CRK: variants seen among roughly 807,000 people sequenced by gnomAD.
CRK encodes the protein adapter molecule crk.
A neutral mutation model predicts 29.8 loss-of-function variants in CRK; 4 were observed. That is an observed-to-expected ratio of 0.13 (90% CI 0.07 to 0.31). CRK has a LOEUF of 0.31. Among genes scored for constraint, CRK ranks in the 10% least tolerant of loss-of-function variants. CRK has a pLI of 1.00. For missense variants in CRK, 274 were observed against 396.5 expected, an observed-to-expected ratio of 0.69 and a Z score of 2.62; for synonymous variants, 153 against 164.9, an observed-to-expected ratio of 0.93 and a Z score of 0.55.
chr17:1,434,366 C>G (rs2073871354), intron 2 of CRK, among the ~76,000 whole-genome samples: 1 of 152,168 alleles, frequency 6.6e-6, no homozygotes, highest in Non-Finnish European at 1.5e-5. Context: ...AGGCCTTACC[C>G]TGGTTCTGGT....
chr17:1,425,092 T>G (rs962658892), intron 2 of CRK, among the ~76,000 whole-genome samples: 4 of 151,942 alleles, frequency 2.6e-5, no homozygotes, highest in South Asian at 4.2e-4. Flanking sequence ...TAAAGGTTTT[T>G]TTTGTTTGTT....
Position 1,424,211 on chromosome 17 carries a change from C to T in CRK, c.778-561G>A, listed in dbSNP as rs536869593. Among the ~76,000 whole-genome samples the T allele has an allele frequency of 2.6e-5, 4 of 152,018 alleles. No homozygotes were observed. In the East Asian group the frequency reaches 5.8e-4, roughly 22 times the overall value. ...CCTCCCGAGTAGCTGGGACTACAGG[C>T]GCCTGCCACCGTGCCCAGCTAATTT... On this transcript the variant is annotated intron_variant, in intron 2 of 2. Coordinates refer to ENST00000300574, the MANE Select transcript of CRK (RefSeq NM_016823.4).
intron 2 of CRK, among the ~76,000 whole-genome samples, chr17:1,426,747 C>T (rs1318126285): frequency 6.6e-6 from 1 of 152,032 alleles, no homozygotes; most frequent in Non-Finnish European, 1.5e-5. Flanking sequence ...CCTGTAATCC[C>T]AGCTACTTGC....
chr17:1,444,903 C>T (rs992753271), intron 1 of CRK, among the ~76,000 whole-genome samples: 8 of 151,568 alleles, frequency 5.3e-5, no homozygotes, highest in Non-Finnish European at 1.0e-4. Flanking sequence ...AATCCCAGCA[C>T]TCTGGGAGGC....
At chr17:1,445,162 C>A (rs376696555) in intron 1 of CRK, among the ~76,000 whole-genome samples, 6 of 148,608 alleles carry the variant, frequency 4.0e-5, no homozygotes, top group East Asian at 3.9e-4. Context: ...AAAAAAAAAT[C>A]ATTCCACTAT....
Position 1,428,986 on chromosome 17 carries a change from C to A in CRK, c.778-5336G>T, listed in dbSNP as rs187947943. ...TCAGCCTCCTGAGTAGCTGGGATTACTGGCGCACGCCACCACGTCCGGCTA... is the reference window on the plus strand; with the variant it reads ...TCAGCCTCCTGAGTAGCTGGGATTAATGGCGCACGCCACCACGTCCGGCTA... On this transcript the variant is annotated intron_variant, in intron 2 of 2. Coordinates refer to ENST00000300574, the MANE Select transcript of CRK (RefSeq NM_016823.4). Among the ~76,000 whole-genome samples the A allele has an allele frequency of 1.5e-4, 23 of 151,862 alleles. No individual in the cohort carries two copies. The East Asian group carries it at 4.5e-3, about 30-fold the overall frequency.
intron 1 of CRK, 71 bp from the exon 2 acceptor site, chr17:1,437,226 AT>A: frequency 3.6e-5 from 53 of 1,467,518 alleles, no homozygotes; most frequent in South Asian, 7.2e-5. Context: ...TTTTATTTTT[AT>A]TTTTTTTAGA....
intron 2 of CRK, among the ~76,000 whole-genome samples, chr17:1,424,052 G>A (rs1017147956): frequency 2.2e-4 from 33 of 149,496 alleles, no homozygotes; most frequent in Admixed American, 1.7e-3. Context: ...TGTCCGAGGA[G>A]AAGCAGCTTT....
At chr17:1,424,752 G>GC (rs1432302595) in intron 2 of CRK, 2 of 152,242 alleles carry the variant, frequency 1.3e-5, no homozygotes, top group African/African-American at 2.4e-5. Flanking sequence ...GCTGACGCCT[G>GC]CAATCCCAGC....
At chr17:1,443,562 AT>A (rs1367800833) in intron 1 of CRK, among the ~76,000 whole-genome samples, 2 of 142,056 alleles carry the variant, frequency 1.4e-5, no homozygotes, top group African/African-American at 2.6e-5. Context: ...CGCCCGGCTA[AT>A]TTTTTTTTGT....
intron 1 of CRK, among the ~76,000 whole-genome samples, chr17:1,440,030 T>G (rs575726578): frequency 1.3e-4 from 20 of 152,190 alleles, no homozygotes; most frequent in South Asian, 4.1e-4. Context: ...ACAGGCGCGG[T>G]GGCTCACGCC....
At chr17:1,442,629 A>T in intron 1 of CRK, among the ~76,000 whole-genome samples, 1 of 135,598 alleles carries the variant, frequency 7.4e-6, no homozygotes, top group East Asian at 2.1e-4. Flanking sequence ...TTTTTTGAAG[A>T]CAGAGTCTTG....
intron 1 of CRK, among the ~76,000 whole-genome samples, chr17:1,449,651 T>C (rs572082424): frequency 6.6e-6 from 1 of 152,266 alleles, no homozygotes; most frequent in African/African-American, 2.4e-5. Flanking sequence ...TTCAGCTGTG[T>C]CAACCTGAAA....
chr17:1,455,990 C>A lies in CRK; in HGVS notation c.128G>T (p.Ser43Ile). The part of the protein sequence containing the change: ...GVFLVRDSST[S>I]PGDYVLSVSE... The stretch of plus-strand genomic sequence containing the variant: ...GACGCTGAGCACATAGTCCCCGGGG[C>A]TGGTGCTCGAGTCCCGCACCAGGAA... The change falls in exon 1 of 3, where the codon AGC (serine) becomes ATC (isoleucine). Residue 43 changes from serine to isoleucine, a missense_variant. Ser to Ile is a moderately radical substitution (Grantham distance 142). This residue lies in a region of CRK where 135 missense variants were observed against 180.9 expected (regional missense o/e 0.75). Transcript: ENST00000300574. 6.2e-7 allele frequency: 1 copy of A among 1,601,346 alleles called. No homozygotes were observed. Among genetic ancestry groups the A allele is most frequent in the Non-Finnish European group, 8.5e-7 (1 of 1,175,422 alleles).
intron 1 of CRK, among the ~76,000 whole-genome samples, chr17:1,455,535 C>T (rs1337959641): frequency 1.3e-5 from 2 of 152,210 alleles, no homozygotes; most frequent in African/African-American, 4.8e-5. Context: ...GATGCCCCCG[C>T]AGTGCCAACA....
intron 1 of CRK, among the ~76,000 whole-genome samples, chr17:1,441,161 C>T (rs898751696): frequency 2.6e-5 from 4 of 152,166 alleles, no homozygotes; most frequent in African/African-American, 4.8e-5. Flanking sequence ...TTCCTGAGCT[C>T]AAGTTATCCA....
intron 2 of CRK, among the ~76,000 whole-genome samples, chr17:1,429,749 C>A (rs2073819969): frequency 6.6e-6 from 1 of 151,810 alleles, no homozygotes; most frequent in Admixed American, 6.6e-5. Flanking sequence ...GGTTACAAAG[C>A]AAGACTCCAT....
chr17:1,438,412 G>A (rs533488024), intron 1 of CRK, among the ~76,000 whole-genome samples: 6 of 152,156 alleles, frequency 3.9e-5, no homozygotes, highest in Admixed American at 2.6e-4. Flanking sequence ...TTACAGGGAT[G>A]AGCCACAGTG....
At chr17:1,444,279 G>T (rs929511372) in intron 1 of CRK, among the ~76,000 whole-genome samples, 7 of 151,740 alleles carry the variant, frequency 4.6e-5, no homozygotes, top group Non-Finnish European at 1.0e-4. Context: ...GACCATAGGT[G>T]TGCACCACCA....
Sources: gnomAD v4.1 joint callset for allele counts (sites outside exome capture counted in the v4.1 genomes callset) on GRCh38, gnomAD v4.1.1 for gene constraint, gnomAD v4.1.1 regional missense constraint, MANE v1.5 for transcripts, NCBI Gene and HGNC (gene_info 2026-07-23, HGNC 2026-07-21) for gene names.